The following PLBD2 variants were observed in gnomAD, a reference collection of about 807,000 sequenced individuals.
PLBD2 encodes the protein phospholipase B domain containing 2.
A neutral mutation model predicts 68.3 loss-of-function variants in PLBD2; 51 were observed. That is an observed-to-expected ratio of 0.75 (90% confidence interval 0.60 to 0.94). The LOEUF (loss-of-function observed/expected upper bound fraction) is 0.94, where lower values mean the gene tolerates loss of function less well. Ranked by LOEUF, PLBD2 falls within the 40% of genes least tolerant of loss-of-function variation. The pLI, the probability that PLBD2 is intolerant of heterozygous loss-of-function variation, is 0.00. For synonymous variants in PLBD2, 314 were observed against 339.3 expected (o/e 0.93, Z 0.82); for missense variants, 729 against 792.2 (o/e 0.92, Z 0.96).
chr12:113,369,909 T>C (rs1242704896), intron 2 of PLBD2, among the ~76,000 whole-genome samples: 1 of 151,932 alleles, frequency 6.6e-6, no homozygotes, highest in Non-Finnish European at 1.5e-5. Flanking sequence ...TTGTACTTTT[T>C]TTTTTTTTGA....
rs139388310 is a variant in PLBD2, at chr12:113,375,129, C to T, written c.859+122C>T. The T allele has an allele frequency of 8.4e-5, 75 of 892,954 alleles. No homozygotes were observed. The East Asian group carries it at 1.9e-3, about 23-fold the overall frequency. The allele number at this position is 892,954 out of a possible 1,614,324, so 55.3% of individuals were successfully genotyped here. On this transcript the variant is annotated intron_variant, in intron 5 of 11. Transcript: ENST00000280800. ...CACACGGAGTCACTGCAGGGATATT[C>T]CAAGAGTTCATTTTGGTTTTGTTTT... is the stretch of plus-strand genomic sequence containing the variant.
Position 113,388,494 on chromosome 12 carries a change from G to C in PLBD2, c.1638G>C (p.Leu546=), listed in dbSNP as rs780328183. ...TSMSLARILS[L]LAASGPTWDQ... ...TGTCACTGGCCAGGATCCTGAGCCTGCTGGCGGCCAGCGGTCCCACGTGGG... is the reference window on the plus strand; with the variant it reads ...TGTCACTGGCCAGGATCCTGAGCCTCCTGGCGGCCAGCGGTCCCACGTGGG... Residue 546 remains leucine (L), a synonymous_variant, in exon 12 of 12, where the codon CTG becomes CTC. Coordinates refer to ENST00000280800, the MANE Select transcript of PLBD2 (RefSeq NM_173542.4). 1.1e-5 allele frequency: 18 copies of C among 1,604,258 alleles called. No individual in the cohort carries two copies. The South Asian group carries it at 2.0e-4, about 18-fold the overall frequency.
At chr12:113,386,350 G>T (rs529597667) in intron 9 of PLBD2, among the ~76,000 whole-genome samples, 1 of 147,432 alleles carries the variant, frequency 6.8e-6, no homozygotes, top group Non-Finnish European at 1.5e-5. Context: ...CACCACGCCG[G>T]CTAATTTTTT....
intron 5 of PLBD2, among the ~76,000 whole-genome samples, chr12:113,378,196 G>A (rs186105574): frequency 4.5e-4 from 68 of 152,058 alleles, no homozygotes; most frequent in Non-Finnish European, 7.5e-4. Flanking sequence ...GGAGGCTGAG[G>A]CCCCAGAATT....
chr12:113,384,759 G>A lies in PLBD2; in HGVS notation c.1119-92G>A. The A allele has an allele frequency of 1.9e-6, 2 of 1,060,070 alleles. No homozygotes were observed. The highest frequency in any genetic ancestry group is 2.0e-4 in the Middle Eastern group (1 of 4,892). The allele number at this position is 1,060,070 out of a possible 1,614,324, so 65.7% of individuals were successfully genotyped here. ...CTGGACAACCCCAGGCCCACTTCCTGTAATTCCTAGCTGAGTGGGACACTG... is the reference window on the plus strand; with the variant it reads ...CTGGACAACCCCAGGCCCACTTCCTATAATTCCTAGCTGAGTGGGACACTG... On this transcript the variant is annotated intron_variant, in intron 7 of 11. Coordinates refer to ENST00000280800, the MANE Select transcript of PLBD2 (RefSeq NM_173542.4). This position sits in a 1 kb window ranked among gnomAD's most constrained non-coding sequence, Gnocchi z 4.2.
chr12:113,369,906 T>TC (rs1957374176), intron 2 of PLBD2, among the ~76,000 whole-genome samples: 1 of 148,178 alleles, frequency 6.7e-6, no homozygotes, highest in South Asian at 2.1e-4. Context: ...GAATTGTACT[T>TC]TTTTTTTTTT....
chr12:113,388,612 G>T lies in PLBD2; in HGVS notation c.1756G>T (p.Val586Phe). Reference protein sequence around the residue: ...PDLWKFAPVKVSWD With the variant: ...PDLWKFAPVKFSWD ...CCTCTGGAAGTTCGCGCCTGTCAAG[G>T]TTTCATGGGACTGAAGTTCTGTCCC... Residue 586 changes from valine (V) to phenylalanine (F), a missense_variant, in exon 12 of 12, where the codon GTT becomes TTT. By Grantham distance (50) the Val-to-Phe change is conservative. Coordinates refer to ENST00000280800, the MANE Select transcript of PLBD2 (RefSeq NM_173542.4). 6.3e-7 allele frequency: 1 copy of T among 1,590,260 alleles called. No individual in the cohort carries two copies. Among genetic ancestry groups the T allele is most frequent in the East Asian group, 2.3e-5 (1 of 43,738 alleles).
chr12:113,362,143 C>T (rs1173069392), intron 1 of PLBD2, among the ~76,000 whole-genome samples: 7 of 151,906 alleles, frequency 4.6e-5, no homozygotes, highest in Non-Finnish European at 5.9e-5. Flanking sequence ...GCCAGGATTT[C>T]GAGACCAGCT....
chr12:113,361,872 G>A (rs1187057397), intron 1 of PLBD2, among the ~76,000 whole-genome samples: 4 of 152,146 alleles, frequency 2.6e-5, no homozygotes, highest in Admixed American at 2.6e-4. Context: ...GTTGCTTAAA[G>A]TAAATCACCA....
chr12:113,372,833 G>A lies in PLBD2; in HGVS notation c.543+26G>A, dbSNP rs763542202. The A allele has an allele frequency of 3.2e-5, 51 of 1,603,844 alleles. No individual in the cohort carries two copies. The East Asian group carries it at 1.1e-3, about 34-fold the overall frequency. On this transcript the variant is annotated intron_variant, in intron 3 of 11. Coordinates refer to ENST00000280800, the MANE Select transcript of PLBD2 (RefSeq NM_173542.4). The surrounding 1 kb of genome is among the most constrained non-coding windows in gnomAD (Gnocchi z 4.2). ...GTGAGTCCTGCTGCCACGCTTGGTG[G>A]GAGGGGGCTTCCAGCTGGCCAGCCA...
At position 113,388,573 on chromosome 12, in the gene PLBD2, A is replaced by G. The variant is rs781302763; in HGVS notation, c.1717A>G (p.Met573Val). ...STSPFSGLLH[M>V]GQPDLWKFAP... ...CTCGCCCTTCAGCGGCCTGCTGCAC[A>G]TGGGCCAGCCAGACCTCTGGAAGTT... The change falls in exon 12 of 12, where the codon ATG becomes GTG. Residue 573 changes from methionine (M) to valine (V), a missense_variant. Physicochemically the swap from Met to Val is conservative, Grantham distance 21. Transcript: ENST00000280800. 4.2e-5 allele frequency: 68 copies of G among 1,610,476 alleles called. No homozygotes were observed. Among genetic ancestry groups the G allele is most frequent in the South Asian group, 1.7e-4 (15 of 90,832 alleles).
rs1174010627 is a variant in PLBD2, at chr12:113,389,285, G to GCCCCA, written c.*675_*679dup. The GCCCCA allele has an allele frequency of 2.7e-4, 41 of 152,120 alleles. No individual in the cohort carries two copies. Among genetic ancestry groups the GCCCCA allele is most frequent in the African/African-American group, 9.4e-4 (39 of 41,448 alleles). 9.4% of individuals were successfully genotyped at this position (152,120 alleles called of 1,614,324 possible). ...GTCAGCCCCCATGCTTCTGCCTCAGGCCCCACCCCACCCCACCCCAGGCCT... is the reference window on the plus strand; with the variant it reads ...GTCAGCCCCCATGCTTCTGCCTCAGGCCCCACCCCACCCCACCCCACCCCAGGCCT... On this transcript the variant is annotated 3_prime_UTR_variant, in exon 12 of 12. Coordinates refer to ENST00000280800, the MANE Select transcript of PLBD2 (RefSeq NM_173542.4).
At chr12:113,370,063 C>T (rs1957375346) in intron 2 of PLBD2, among the ~76,000 whole-genome samples, 1 of 152,062 alleles carries the variant, frequency 6.6e-6, no homozygotes, top group African/African-American at 2.4e-5. Context: ...CCATGCCCAC[C>T]TAATTTTTGT....
At chr12:113,361,330 T>G (rs1232521635) in intron 1 of PLBD2, among the ~76,000 whole-genome samples, 4 of 150,304 alleles carry the variant, frequency 2.7e-5, no homozygotes, top group East Asian at 4.1e-4. Flanking sequence ...AAAAAAGGTT[T>G]TTTTTTTTTT....
intron 8 of PLBD2, 23 bp from the exon 9 acceptor site, chr12:113,385,189 C>T (rs1165002330): frequency 6.2e-7 from 1 of 1,613,424 alleles, no homozygotes; most frequent in Non-Finnish European, 8.5e-7. Flanking sequence ...TCACCTCCAC[C>T]CCATCTCTCT....
Sources: gnomAD v4.1 joint callset for allele counts (sites outside exome capture counted in the v4.1 genomes callset) on GRCh38, gnomAD v4.1.1 for gene constraint, Gnocchi (gnomAD v3.1) non-coding constraint, MANE v1.5 for transcripts, NCBI Gene and HGNC (gene_info 2026-07-23, HGNC 2026-07-21) for gene names.